ZNF320: variants seen among roughly 807,000 people sequenced by gnomAD.
The protein encoded by ZNF320 is zinc finger protein 320.
Under a neutral mutation model 6.8 loss-of-function variants are expected in ZNF320, and 2 were observed. The ratio of observed to expected loss-of-function variants is 0.29; its 90% CI spans 0.12 to 0.93. The LOEUF (loss-of-function observed/expected upper bound fraction) is 0.93. ZNF320 is among the 40% of genes least tolerant of loss of function. The pLI, the probability that ZNF320 is intolerant of heterozygous loss-of-function variation, is 0.55. For synonymous variants in ZNF320, 208 were observed against 203.2 expected (o/e 1.02, Z -0.20); for missense variants, 472 against 611.0 (o/e 0.77, Z 2.40).
At chr19:52,866,000 CATAT>C (rs1335551767) in intron 5 of ZNF320, among the ~76,000 whole-genome samples, 1 of 88,834 alleles carries the variant, frequency 1.1e-5, no homozygotes, top group East Asian at 2.6e-4. Context: ...TATGATTATA[CATAT>C]ATATTTATAT....
Position 52,888,083 on chromosome 19 carries a change from T to A in ZNF320, c.142+44A>T, listed in dbSNP as rs180884979. 631 of 1,602,932 alleles carry A rather than the reference T, an allele frequency of 3.9e-4. No individual in the cohort carries two copies. In the African/African-American group the frequency reaches 7.3e-3, roughly 19 times the overall value. On this transcript the variant is annotated intron_variant, in intron 5 of 5. Transcript: ENST00000682928. The stretch of plus-strand genomic sequence containing the variant: ...AGAGAAACAAGAGAAAATACAAAGA[T>A]CCACAAGGGCACATCCCCACTTCTG...
chr19:52,900,222 G>C (rs2064567035), upstream of ZNF320, among the ~76,000 whole-genome samples: 1 of 152,104 alleles, frequency 6.6e-6, no homozygotes, highest in Non-Finnish European at 1.5e-5. Flanking sequence ...TTACTGAATG[G>C]ATTTCTTTTT....
intron 5 of ZNF320, chr19:52,864,232 A>G: frequency 5.9e-6 from 1 of 168,632 alleles, no homozygotes; most frequent in Non-Finnish European, 1.3e-5. Context: ...AGAAATGGGA[A>G]ATTAAGTATC....
exon 6 of ZNF320, chr19:52,862,673 G>A (rs1021377656): frequency 2.2e-5 from 13 of 585,476 alleles, no homozygotes; most frequent in Non-Finnish European, 3.8e-5. Context: ...ACACTTGTAA[G>A]GTTTCTCTCC....
intron 5 of ZNF320, chr19:52,883,834 G>A (rs941373570): frequency 1.3e-5 from 4 of 313,704 alleles, no homozygotes; most frequent in African/African-American, 9.1e-5. Flanking sequence ...AGGAGGCGGA[G>A]GTTGCAGTGA....
At chr19:52,885,829 C>T (rs537042098) in intron 5 of ZNF320, among the ~76,000 whole-genome samples, 197 of 152,162 alleles carry the variant, frequency 1.3e-3, no homozygotes, top group Non-Finnish European at 1.6e-3. Context: ...TTGGTTGAAC[C>T]GGGGAGGTGG....
At position 52,877,644 on chromosome 19, in the gene ZNF320, T is replaced by C. The variant is rs141214700; in HGVS notation, c.*2952A>G. The C allele has an allele frequency of 2.6e-5, 4 of 152,330 alleles. No homozygotes were observed. The highest frequency in any genetic ancestry group is 2.0e-4 in the Admixed American group (3 of 15,302). The allele number at this position is 152,330 out of a possible 1,614,324, so 9.4% of individuals were successfully genotyped here. ...GTTTGGGAGGGGCATATGTAGCTTTTTAAAAAATCTTTGTAACTATCTTGT... is the reference window on the plus strand; with the variant it reads ...GTTTGGGAGGGGCATATGTAGCTTTCTAAAAAATCTTTGTAACTATCTTGT... On this transcript the variant is annotated 3_prime_UTR_variant, in exon 6 of 6. Transcript: ENST00000682928.
chr19:52,885,983 CT>C (rs1054224763), intron 5 of ZNF320, among the ~76,000 whole-genome samples: 61 of 152,092 alleles, frequency 4.0e-4, no homozygotes, highest in South Asian at 2.9e-3. Flanking sequence ...CATAACTAAA[CT>C]TTTTTTCATA....
At chr19:52,870,615 G>T (rs906139223) in intron 5 of ZNF320, among the ~76,000 whole-genome samples, 3 of 151,806 alleles carry the variant, frequency 2.0e-5, no homozygotes, top group African/African-American at 7.3e-5. Context: ...ATCACATCAT[G>T]CCATTACACG....
chr19:52,897,127 G>A (rs1304721801), intron 1 of ZNF320, among the ~76,000 whole-genome samples: 1 of 152,242 alleles, frequency 6.6e-6, no homozygotes, highest in Non-Finnish European at 1.5e-5. Flanking sequence ...CCCCTCTGTG[G>A]AGTGCTTTCT....
intron 2 of ZNF320, 40 bp downstream of exon 2, chr19:52,893,739 T>C (rs1435191944): frequency 1.3e-5 from 2 of 152,134 alleles, no homozygotes; most frequent in African/African-American, 4.8e-5. Flanking sequence ...TCAGAAGGTA[T>C]AAGCAAAAAC....
At chr19:52,882,798 G>A (rs762687856) in intron 5 of ZNF320, among the ~76,000 whole-genome samples, 6 of 152,002 alleles carry the variant, frequency 3.9e-5, no homozygotes, top group Admixed American at 6.5e-5. Flanking sequence ...AAATGTAGCC[G>A]GGCATGGTCA....
chr19:52,899,413 C>T (rs887337850), upstream of ZNF320, among the ~76,000 whole-genome samples: 1 of 152,070 alleles, frequency 6.6e-6, no homozygotes, highest in African/African-American at 2.4e-5. Flanking sequence ...CAAACTTTTC[C>T]TTCAGCTGCT....
chr19:52,897,356 G>A (rs985102904), intron 1 of ZNF320, among the ~76,000 whole-genome samples, 164 bp downstream of exon 1: 4 of 152,192 alleles, frequency 2.6e-5, no homozygotes, highest in African/African-American at 7.2e-5. Flanking sequence ...TCCAGCTCGC[G>A]GGTGAGGACT....
intron 1 of ZNF320, chr19:52,895,922 G>A (rs2064456562): frequency 6.6e-6 from 1 of 151,710 alleles, no homozygotes; most frequent in Admixed American, 6.6e-5. Context: ...TATGTAAACT[G>A]AACACAACAA....
At chr19:52,899,131 A>G (rs8101864), upstream of ZNF320, among the ~76,000 whole-genome samples, 29,910 of 152,182 alleles carry the variant, frequency 0.2, 3,274 homozygotes, top group South Asian at 0.32. Context: ...TGGTGAACTA[A>G]GGTAGCGATG....
At chr19:52,898,433 G>C (rs1468048444), upstream of ZNF320, among the ~76,000 whole-genome samples, 2 of 152,098 alleles carry the variant, frequency 1.3e-5, no homozygotes, top group African/African-American at 4.8e-5. Flanking sequence ...CAGCGTGGGC[G>C]ACAAAGTAAG....
At chr19:52,862,197 G>T in exon 6 of ZNF320, 1 of 474,898 alleles carries the variant, frequency 2.1e-6, no homozygotes, top group Non-Finnish European at 4.2e-6. Flanking sequence ...CCTACACCAT[G>T]GATTGCCTGA....
chr19:52,894,962 T>C (rs1457828044), intron 1 of ZNF320: 2 of 152,170 alleles, frequency 1.3e-5, no homozygotes, highest in Non-Finnish European at 2.9e-5. Flanking sequence ...TGTAAGCAAA[T>C]GTTTTCTTCA....
Sources: allele counts gnomAD v4.1 joint callset (sites outside exome capture counted in the v4.1 genomes callset), GRCh38; gene constraint gnomAD v4.1.1; transcripts MANE v1.5; gene names NCBI Gene and HGNC (gene_info 2026-07-23, HGNC 2026-07-21).